The following STK39 variants were observed in gnomAD, a reference collection of about 807,000 sequenced individuals.
STK39 encodes STE20/SPS1-related proline-alanine-rich protein kinase.
Under a neutral mutation model 77.8 loss-of-function variants are expected in STK39, and 20 were observed. The ratio of observed to expected loss-of-function variants is 0.26; its 90% CI spans 0.18 to 0.37. The LOEUF (loss-of-function observed/expected upper bound fraction) is 0.37, where lower values mean the gene tolerates loss of function less well. Among genes scored for constraint, STK39 ranks in the 10% least tolerant of loss-of-function variants. The pLI is 1.00. For synonymous variants in STK39, 246 were observed against 234.1 expected, an observed-to-expected ratio of 1.05 and a Z score of -0.47; for missense variants, 479 against 656.5, an observed-to-expected ratio of 0.73 and a Z score of 2.95.
chr2:168,229,982 T>C (rs1690411663), intron 1 of STK39, among the ~76,000 whole-genome samples: 1 of 152,198 alleles, frequency 6.6e-6, no homozygotes, highest in Non-Finnish European at 1.5e-5. Context: ...CTATGAAACC[T>C]ATAATCAATG....
At chr2:168,245,196 C>T (rs950886044) in intron 1 of STK39, among the ~76,000 whole-genome samples, 20 of 152,158 alleles carry the variant, frequency 1.3e-4, no homozygotes, top group Non-Finnish European at 2.8e-4. Flanking sequence ...AATTAAGCAC[C>T]TTACAAACTC....
intron 10 of STK39, among the ~76,000 whole-genome samples, chr2:168,116,286 G>A (rs1212352518): frequency 6.6e-6 from 1 of 152,158 alleles, no homozygotes; most frequent in African/African-American, 2.4e-5. Context: ...TATGATTGCT[G>A]TGAAAGTTGT....
At position 167,960,587 on chromosome 2, in the gene STK39, G is replaced by A. The variant is rs182294234; in HGVS notation, c.1563+4075C>T. ...TGTGACAGCGTATGACATCATGCACGCTCTTACTCAGGGTGTATTCTGATT... is the reference window on the plus strand; with the variant it reads ...TGTGACAGCGTATGACATCATGCACACTCTTACTCAGGGTGTATTCTGATT... On this transcript the variant is annotated intron_variant, in intron 17 of 17. Transcript: ENST00000355999. 1.9e-3 allele frequency among the ~76,000 whole-genome samples: 293 copies of A among 152,088 alleles called. 3 individuals carry two copies. The highest frequency in any genetic ancestry group is 6.3e-3 in the African/African-American group (262 of 41,486).
intron 10 of STK39, among the ~76,000 whole-genome samples, chr2:168,077,753 G>A (rs780871825): frequency 3.9e-5 from 6 of 152,062 alleles, no homozygotes; most frequent in East Asian, 3.8e-4. Flanking sequence ...CCAAAGGGAC[G>A]GGAAATCAAT....
At chr2:168,155,934 G>A (rs932156656) in intron 5 of STK39, among the ~76,000 whole-genome samples, 3 of 152,186 alleles carry the variant, frequency 2.0e-5, no homozygotes, top group Non-Finnish European at 4.4e-5. Flanking sequence ...TCTAGGCAGA[G>A]TGCACTGACC....
chr2:167,968,000 T>C (rs1692206857), intron 16 of STK39, among the ~76,000 whole-genome samples: 1 of 149,130 alleles, frequency 6.7e-6, no homozygotes, highest in Non-Finnish European at 1.5e-5. Context: ...TGTATCCATG[T>C]GTACTCAATG....
intron 14 of STK39, among the ~76,000 whole-genome samples, chr2:168,039,367 T>C (rs1574412980): frequency 5.8e-5 from 1 of 17,104 alleles, no homozygotes; most frequent in African/African-American, 1.3e-4. Context: ...CCGAGGCGGG[T>C]GGATCATGAG....
chr2:168,042,577 CT>C (rs540413448), intron 14 of STK39, among the ~76,000 whole-genome samples: 58,700 of 132,840 alleles, frequency 0.44, 12,332 homozygotes, highest in Non-Finnish European at 0.5. Flanking sequence ...TTCCTTCCTT[CT>C]TTTTTTTTTT....
chr2:168,170,918 G>GCAAA (rs774973753), intron 2 of STK39, among the ~76,000 whole-genome samples: 1 of 152,148 alleles, frequency 6.6e-6, no homozygotes, highest in Non-Finnish European at 1.5e-5. Context: ...AGAAACGCAA[G>GCAAA]CAAACAAACA....
Position 168,040,467 on chromosome 2 carries a change from T to A in STK39, c.1376+23033A>T, listed in dbSNP as rs1181821668. Among the ~76,000 whole-genome samples, 3 of 152,338 alleles carry A rather than the reference T, an allele frequency of 2.0e-5. No individual in the cohort carries two copies. The East Asian group carries it at 5.8e-4, about 29-fold the overall frequency. On this transcript the variant is annotated intron_variant, in intron 14 of 17. Coordinates refer to ENST00000355999, the MANE Select transcript of STK39 (RefSeq NM_013233.3). ...TTTCGCTAAGTTCTCAAGTGTAATCTTCTTCATGTGGATGAAAAATGTAAT... is the reference window on the plus strand; with the variant it reads ...TTTCGCTAAGTTCTCAAGTGTAATCATCTTCATGTGGATGAAAAATGTAAT...
intron 17 of STK39, among the ~76,000 whole-genome samples, chr2:167,960,774 C>T (rs1691933738): frequency 6.6e-6 from 1 of 151,884 alleles, no homozygotes; most frequent in Non-Finnish European, 1.5e-5. Flanking sequence ...GAGGTGCCCC[C>T]ACCCCCCCAC....
intron 10 of STK39, among the ~76,000 whole-genome samples, chr2:168,121,073 T>C (rs1345976728): frequency 6.6e-6 from 1 of 152,222 alleles, no homozygotes; most frequent in Non-Finnish European, 1.5e-5. Flanking sequence ...CCCATTTTCC[T>C]GTGTACACCA....
At chr2:168,029,512 T>TA in intron 14 of STK39, among the ~76,000 whole-genome samples, 1 of 152,324 alleles carries the variant, frequency 6.6e-6, no homozygotes, top group East Asian at 1.9e-4. Context: ...GACACAATAT[T>TA]AAATCTTGCC....
chr2:167,977,489 G>C (rs780179285), intron 16 of STK39, among the ~76,000 whole-genome samples: 2 of 151,694 alleles, frequency 1.3e-5, no homozygotes, highest in African/African-American at 2.4e-5. Flanking sequence ...TATGGAAAAT[G>C]GCTAAACTTG....
In STK39 at chr2:168,140,629, C is replaced by A; in HGVS notation, c.738+20G>T. 6.4e-7 allele frequency: 1 copy of A among 1,571,624 alleles called. No individual in the cohort carries two copies. Among genetic ancestry groups the A allele is most frequent in the South Asian group, 1.2e-5 (1 of 86,238 alleles). ...GATTGTACTATGTCCATCAAAAAGT[C>A]ACTTTTTTTGTTTTTTTACCTGTTC... is the stretch of plus-strand genomic sequence containing the variant. On this transcript the variant is annotated intron_variant, in intron 6 of 17. Transcript: ENST00000355999.
intron 16 of STK39, among the ~76,000 whole-genome samples, chr2:167,978,182 T>C (rs1683330110): frequency 6.6e-6 from 1 of 152,196 alleles, no homozygotes; most frequent in Non-Finnish European, 1.5e-5. Flanking sequence ...GTTCAGACTC[T>C]TGGCAGACAG....
At chr2:168,140,006 A>G (rs972859125) in intron 7 of STK39, among the ~76,000 whole-genome samples, 1 of 152,200 alleles carries the variant, frequency 6.6e-6, no homozygotes, top group African/African-American at 2.4e-5. Flanking sequence ...TCAAAAGAGT[A>G]ATGACCAGCA....
intron 10 of STK39, among the ~76,000 whole-genome samples, chr2:168,086,103 G>C (rs1032710090): frequency 5.3e-5 from 8 of 152,172 alleles, no homozygotes; most frequent in African/African-American, 1.4e-4. Flanking sequence ...ATTTGGTCTA[G>C]GGTGATGTGT....
At chr2:168,075,841 T>C (rs1313319496) in intron 10 of STK39, among the ~76,000 whole-genome samples, 1 of 152,154 alleles carries the variant, frequency 6.6e-6, no homozygotes, top group East Asian at 1.9e-4. Context: ...TTTGTAGCAC[T>C]TATGAGACCT....
Sources: allele counts gnomAD v4.1 joint callset (sites outside exome capture counted in the v4.1 genomes callset), GRCh38; gene constraint gnomAD v4.1.1; transcripts MANE v1.5; gene names NCBI Gene and HGNC (gene_info 2026-07-23, HGNC 2026-07-21).